ADARB2: variants seen among roughly 807,000 people sequenced by gnomAD.
ADARB2 encodes adenosine deaminase RNA specific B2 (inactive).
A neutral mutation model predicts 62.2 loss-of-function variants in ADARB2; 25 were observed. The observed-to-expected ratio is 0.40, with a 90% CI of 0.29 to 0.56. The LOEUF (loss-of-function observed/expected upper bound fraction) is 0.56. Ranked by LOEUF, ADARB2 falls within the 20% of genes least tolerant of loss-of-function variation. The pLI is 0.43. For synonymous variants in ADARB2, 572 were observed against 500.8 expected, an observed-to-expected ratio of 1.14 and a Z score of -1.90; for missense variants, 1,071 against 1,077.4, an observed-to-expected ratio of 0.99 and a Z score of 0.08.
Position 1,341,524 on chromosome 10 carries a change from C to T in ADARB2, c.1077+21504G>A, listed in dbSNP as rs561525964. ...CACCAGAGAACCACATGCCCCACAG[C>T]GGCAATAACAAGCATCCACCAGAGA... On this transcript the variant is annotated intron_variant, in intron 3 of 9. Transcript: ENST00000381312. Among the ~76,000 whole-genome samples the T allele has an allele frequency of 4.8e-4, 68 of 142,160 alleles. 1 individual carries two copies. The South Asian group carries it at 0.011, about 23-fold the overall frequency. The allele number at this position is 142,160 out of a possible 152,430, so 93.3% of individuals were successfully genotyped here. A position where few individuals can be genotyped will look rare whatever the true frequency, so the allele number is the denominator to read the frequency against.
chr10:1,184,012 T>C (rs1462487847), intron 9 of ADARB2, among the ~76,000 whole-genome samples: 1 of 152,108 alleles, frequency 6.6e-6, no homozygotes, highest in Non-Finnish European at 1.5e-5. Context: ...CTTCCAAGTC[T>C]CCAGGAGAAG....
chr10:1,302,948 G>A (rs1051491298), intron 3 of ADARB2, among the ~76,000 whole-genome samples: 1 of 152,126 alleles, frequency 6.6e-6, no homozygotes, highest in African/African-American at 2.4e-5. Flanking sequence ...CAGAAAAACT[G>A]GAAACTCTAA....
At chr10:1,373,980 C>A (rs1451266466) in intron 2 of ADARB2, among the ~76,000 whole-genome samples, 1 of 113,354 alleles carries the variant, frequency 8.8e-6, no homozygotes, top group African/African-American at 2.7e-5. Flanking sequence ...AGTGAAACCG[C>A]GTGGACTCCG....
At chr10:1,209,548 TGCCATCACCCACACCCAC>T in intron 7 of ADARB2, among the ~76,000 whole-genome samples, 1 of 18,158 alleles carries the variant, frequency 5.5e-5, no homozygotes, top group East Asian at 1.5e-3. Context: ...CCCACACCCA[TGCCATCACCCACACCCAC>T]ATCATCACCC....
At chr10:1,540,974 T>C (rs71500140) in intron 1 of ADARB2, among the ~76,000 whole-genome samples, 8 of 41,536 alleles carry the variant, frequency 1.9e-4, no homozygotes, top group African/African-American at 5.1e-4. Flanking sequence ...ATCACAGCCG[T>C]CCAGACTCCA....
intron 1 of ADARB2, among the ~76,000 whole-genome samples, chr10:1,644,118 G>T (rs1265405605): frequency 6.6e-6 from 1 of 152,238 alleles, no homozygotes; most frequent in Admixed American, 6.5e-5. Context: ...ATTTACACGA[G>T]CTGAGGATAA....
intron 6 of ADARB2, among the ~76,000 whole-genome samples, chr10:1,218,140 T>C (rs1370029177): frequency 6.6e-6 from 1 of 152,224 alleles, no homozygotes; most frequent in African/African-American, 2.4e-5. Flanking sequence ...AACCTCCGCC[T>C]CCCAGGTTCA....
chr10:1,682,152 A>C (rs1834544941), intron 1 of ADARB2, among the ~76,000 whole-genome samples: 1 of 152,224 alleles, frequency 6.6e-6, no homozygotes, highest in African/African-American at 2.4e-5. Context: ...GCAGTCAGTC[A>C]GGTGCAAAAA....
intron 6 of ADARB2, 95 bp downstream of exon 6, chr10:1,233,599 G>T: frequency 7.5e-7 from 1 of 1,331,688 alleles, no homozygotes; most frequent in Non-Finnish European, 1.0e-6. Context: ...CACACACCGC[G>T]CCCCTGCCCT....
Position 1,179,535 on chromosome 10 carries a change from C to T in ADARB2, c.*3658G>A, listed in dbSNP as rs7094153. ...GTGGACAGCGGAGGCTGCCTGGCCG[C>T]GCAGCCGTTCCCTGCGCCCCGTCCT... On this transcript the variant is annotated 3_prime_UTR_variant, in exon 10 of 10. Transcript: ENST00000381312. 0.33 allele frequency: 50,810 copies of T among 152,146 alleles called. 8,540 individuals carry two copies. Among genetic ancestry groups the T allele is most frequent in the Admixed American group, 0.4 (6,132 of 15,292 alleles). 9.4% of individuals were successfully genotyped at this position (152,146 alleles called of 1,614,324 possible). A position where few individuals can be genotyped will look rare whatever the true frequency, so the allele number is the denominator to read the frequency against.
intron 1 of ADARB2, among the ~76,000 whole-genome samples, chr10:1,656,588 G>A (rs977442924): frequency 6.6e-6 from 1 of 152,012 alleles, no homozygotes; most frequent in African/African-American, 2.4e-5. Context: ...CTAGTGCGTG[G>A]TCTTGTGAAT....
intron 7 of ADARB2, among the ~76,000 whole-genome samples, chr10:1,208,831 C>G (rs1235589317): frequency 3.9e-5 from 6 of 152,202 alleles, no homozygotes; most frequent in African/African-American, 1.4e-4. Flanking sequence ...TCGGGGGAGA[C>G]AAGATGGTCA....
intron 1 of ADARB2, chr10:1,526,839 C>T (rs1326739752): frequency 3.9e-6 from 2 of 516,370 alleles, no homozygotes; most frequent in South Asian, 2.9e-5. Context: ...GTGGAGGGGT[C>T]GTGAGCGGGC....
At position 1,497,837 on chromosome 10, in the gene ADARB2, G is replaced by A. The variant is rs139512418; in HGVS notation, c.101-118677C>T. Among the ~76,000 whole-genome samples the A allele has an allele frequency of 9.0e-3, 1,372 of 152,178 alleles. 8 individuals carry two copies. Among genetic ancestry groups the A allele is most frequent in the Non-Finnish European group, 0.015 (1,020 of 68,000 alleles). ...ATAAATTCCATAGAATTTGAAGGGG[G>A]TGGAGTTTAATGTTGGTTGATGAGG... is the stretch of plus-strand genomic sequence containing the variant. On this transcript the variant is annotated intron_variant, in intron 1 of 9. Transcript: ENST00000381312.
chr10:1,506,326 T>TG lies in ADARB2; in HGVS notation c.101-127167dup, dbSNP rs1411216085. Among the ~76,000 whole-genome samples the TG allele has an allele frequency of 1.1e-4, 17 of 152,258 alleles. No homozygotes were observed. The South Asian group carries it at 2.1e-3, about 19-fold the overall frequency. ...TTCTGCCCATAATATTTATTATTTA[T>TG]GGGGGGGAAATGCTGGAATGCCTAA... On this transcript the variant is annotated intron_variant, in intron 1 of 9. Coordinates refer to ENST00000381312, the MANE Select transcript of ADARB2 (RefSeq NM_018702.4).
chr10:1,253,842 A>G (rs1468393528), intron 4 of ADARB2, among the ~76,000 whole-genome samples: 1 of 152,248 alleles, frequency 6.6e-6, no homozygotes, highest in Non-Finnish European at 1.5e-5. Context: ...AGCCTGCATG[A>G]AAACAAGGAG....
At position 1,433,162 on chromosome 10, in the gene ADARB2, C is replaced by A. The variant is rs373039182; in HGVS notation, c.101-54002G>T. ...AAGTGAAGAGAGTAGGAAGAGGAGT[C>A]ATGCAAGGAAAGGCGAAGCTTGAGA... On this transcript the variant is annotated intron_variant, in intron 1 of 9. Transcript: ENST00000381312. Among the ~76,000 whole-genome samples, 117 of 152,254 alleles carry A rather than the reference C, an allele frequency of 7.7e-4. 3 individuals are homozygous for A. The South Asian group carries it at 0.024, about 31-fold the overall frequency.
intron 1 of ADARB2, among the ~76,000 whole-genome samples, chr10:1,417,417 C>T (rs1832813587): frequency 6.6e-6 from 1 of 152,216 alleles, no homozygotes; most frequent in South Asian, 2.1e-4. Context: ...ATCTGATGAG[C>T]GATTTCTAAG....
At chr10:1,656,525 A>G (rs1834173896) in intron 1 of ADARB2, among the ~76,000 whole-genome samples, 1 of 146,804 alleles carries the variant, frequency 6.8e-6, no homozygotes, top group East Asian at 2.1e-4. Context: ...GGAAAGAGAG[A>G]AAAAGGGAGA....
Sources: gnomAD v4.1 joint callset for allele counts (sites outside exome capture counted in the v4.1 genomes callset) on GRCh38, gnomAD v4.1.1 for gene constraint, MANE v1.5 for transcripts, NCBI Gene and HGNC (gene_info 2026-07-23, HGNC 2026-07-21) for gene names.